RSF1: variants seen among roughly 807,000 people sequenced by gnomAD.
RSF1 encodes the protein HBV pX-associated protein 8.
In RSF1, 13 loss-of-function variants were observed where a neutral mutation model predicts 145.2. That is an observed-to-expected ratio of 0.09 (90% CI 0.06 to 0.14). The LOEUF is 0.14. RSF1 is among the 10% of genes least tolerant of loss of function. The probability of loss-of-function intolerance (pLI) is 1.00; values close to 1 mark genes in which losing one functional copy is unlikely to be tolerated. For synonymous variants in RSF1, 577 were observed against 592.6 expected (o/e 0.97, Z 0.38); for missense variants, 1,517 against 1,718.2 (o/e 0.88, Z 2.07).
the RSF1 span, among the ~76,000 whole-genome samples, chr11:77,826,557 C>A: frequency 6.6e-6 from 1 of 152,146 alleles, no homozygotes; most frequent in Admixed American, 6.5e-5. Flanking sequence ...TGTTAAGATA[C>A]TGTATTTACA....
At chr11:77,730,489 A>G (rs1961178625) in intron 4 of RSF1, among the ~76,000 whole-genome samples, 1 of 152,226 alleles carries the variant, frequency 6.6e-6, no homozygotes, top group African/African-American at 2.4e-5. Context: ...AACATAAGGA[A>G]TATCACTATT....
At chr11:77,696,629 C>G (rs1445141359) in intron 7 of RSF1, among the ~76,000 whole-genome samples, 2 of 152,130 alleles carry the variant, frequency 1.3e-5, no homozygotes, top group African/African-American at 4.8e-5. Flanking sequence ...GGTAAAATGC[C>G]CTCTTTTAGT....
At chr11:77,857,960 C>T in the RSF1 span, among the ~76,000 whole-genome samples, 7 of 152,098 alleles carry the variant, frequency 4.6e-5, no homozygotes, top group African/African-American at 1.7e-4. Flanking sequence ...CCCCAAAGTG[C>T]TGGGATTACA....
upstream of RSF1, among the ~76,000 whole-genome samples, chr11:77,823,095 T>G (rs1948998402): frequency 2.7e-5 from 4 of 150,308 alleles, no homozygotes; most frequent in South Asian, 6.3e-4. Context: ...CGGGCCCCTG[T>G]AGACAGCTAC....
At chr11:77,716,217 T>G (rs1472067736) in intron 5 of RSF1, among the ~76,000 whole-genome samples, 3 of 152,042 alleles carry the variant, frequency 2.0e-5, no homozygotes, top group Non-Finnish European at 2.9e-5. Flanking sequence ...GTATGGACGT[T>G]CCTCAAAAAA....
At chr11:77,858,327 T>TG in the RSF1 span, among the ~76,000 whole-genome samples, 1 of 143,006 alleles carries the variant, frequency 7.0e-6, no homozygotes, top group Non-Finnish European at 1.5e-5. Context: ...TTTTTTTTTT[T>TG]GTAGTTGCAA....
intron 12 of RSF1, 118 bp downstream of exon 12, chr11:77,677,968 C>T: frequency 2.8e-6 from 2 of 712,170 alleles, no homozygotes; most frequent in Non-Finnish European, 5.0e-6. Flanking sequence ...AACATCAGTA[C>T]TAATCATGAT....
chr11:77,822,884 A>T (rs753873215), upstream of RSF1, among the ~76,000 whole-genome samples: 1 of 152,216 alleles, frequency 6.6e-6, no homozygotes, highest in African/African-American at 2.4e-5. Flanking sequence ...GGCATATTTT[A>T]TGTTACATGT....
At position 77,701,874 on chromosome 11, in the gene RSF1, G is replaced by A; in HGVS notation, c.1355C>T (p.Ala452Val). Residue 452 changes from alanine to valine, a missense_variant, in exon 6 of 16, where the codon GCT (alanine) becomes GTT (valine). Ala to Val is a moderately conservative substitution (Grantham distance 64, BLOSUM62 0). Transcript: ENST00000308488. The part of the protein sequence containing the change: ...VNGEVSDERV[A>V]PNFKTEPIET... ...TATTGGTTCTGTCTTAAAATTTGGA[G>A]CTACCCTTTCATCACTAACTTCTCC... 1 of 1,614,024 alleles carries A rather than the reference G, an allele frequency of 6.2e-7. No homozygotes were observed. Among genetic ancestry groups the A allele is most frequent in the Non-Finnish European group, 8.5e-7 (1 of 1,179,988 alleles).
chr11:77,810,760 T>C (rs867927900), intron 1 of RSF1, among the ~76,000 whole-genome samples: 3 of 152,176 alleles, frequency 2.0e-5, no homozygotes, highest in Admixed American at 6.5e-5. Context: ...GGTTTCACCA[T>C]GTTGGCGAGG....
chr11:77,783,194 A>G (rs531615609), intron 1 of RSF1, among the ~76,000 whole-genome samples: 8 of 152,198 alleles, frequency 5.3e-5, no homozygotes, highest in Non-Finnish European at 1.0e-4. Context: ...TATATTTGCA[A>G]TTCCTTGTTC....
At chr11:77,720,648 A>T (rs546692587) in intron 5 of RSF1, among the ~76,000 whole-genome samples, 1 of 152,332 alleles carries the variant, frequency 6.6e-6, no homozygotes, top group South Asian at 2.1e-4. Flanking sequence ...TAGTATAAAT[A>T]AAGTTTCAGA....
At chr11:77,823,926 A>T (rs1471313934), upstream of RSF1, among the ~76,000 whole-genome samples, 1 of 152,142 alleles carries the variant, frequency 6.6e-6, no homozygotes, top group Non-Finnish European at 1.5e-5. Context: ...TAAAAAAAAA[A>T]AAAAGCTTTA....
chr11:77,757,781 T>C (rs1425882329), intron 2 of RSF1, among the ~76,000 whole-genome samples: 1 of 152,064 alleles, frequency 6.6e-6, no homozygotes, highest in African/African-American at 2.4e-5. Context: ...AAGCCAGTTG[T>C]AATAATTCAA....
intron 1 of RSF1, among the ~76,000 whole-genome samples, chr11:77,789,132 C>A (rs1948490794): frequency 6.6e-6 from 1 of 152,106 alleles, no homozygotes; most frequent in Admixed American, 6.6e-5. Context: ...AAATGGGAGC[C>A]AGGAGAAACT....
At chr11:77,794,182 T>C (rs1268402164) in intron 1 of RSF1, among the ~76,000 whole-genome samples, 1 of 152,236 alleles carries the variant, frequency 6.6e-6, no homozygotes, top group Non-Finnish European at 1.5e-5. Flanking sequence ...TTGCACCAAA[T>C]GGACCTTACA....
chr11:77,799,950 A>G (rs1565184585), intron 1 of RSF1, among the ~76,000 whole-genome samples: 1 of 152,186 alleles, frequency 6.6e-6, no homozygotes, highest in African/African-American at 2.4e-5. Flanking sequence ...AAATGTACTC[A>G]AGAGGAAACA....
intron 15 of RSF1, among the ~76,000 whole-genome samples, chr11:77,668,507 G>T (rs1231453417): frequency 1.3e-5 from 2 of 152,118 alleles, no homozygotes; most frequent in Non-Finnish European, 2.9e-5. Flanking sequence ...GACGCCCTTG[G>T]TAGTCTTAAT....
intron 4 of RSF1, among the ~76,000 whole-genome samples, chr11:77,735,750 C>CT (rs1330526994): frequency 6.6e-6 from 1 of 151,926 alleles, no homozygotes; most frequent in African/African-American, 2.4e-5. Context: ...CTTTTTTCTT[C>CT]TTTTTTGAGA....
Sources: allele counts gnomAD v4.1 joint callset (sites outside exome capture counted in the v4.1 genomes callset), GRCh38; gene constraint gnomAD v4.1.1; transcripts MANE v1.5; gene names NCBI Gene and HGNC (gene_info 2026-07-23, HGNC 2026-07-21).